RBFOX1: variants seen among roughly 807,000 people sequenced by gnomAD.
The protein encoded by RBFOX1 is RNA binding protein fox-1 homolog 1.
In RBFOX1, 8 loss-of-function variants were observed where a neutral mutation model predicts 57.7. The ratio of observed to expected loss-of-function variants is 0.14; its 90% CI spans 0.08 to 0.25. The LOEUF (loss-of-function observed/expected upper bound fraction) is 0.25. Ranked by LOEUF, RBFOX1 falls within the 10% of genes least tolerant of loss-of-function variation. The pLI, the probability that RBFOX1 is intolerant of heterozygous loss-of-function variation, is 1.00. For missense variants in RBFOX1, 611 were observed against 548.5 expected (o/e 1.11, Z -1.14); for synonymous variants, 326 against 222.4 (o/e 1.47, Z -4.15).
chr16:7,653,741 G>T, intron 11 of RBFOX1, 74 bp from the exon 12 acceptor site: 1 of 1,591,430 alleles, frequency 6.3e-7, no homozygotes, highest in South Asian at 1.1e-5. Context: ...AGGGTTCCCG[G>T]GGCAGTTCCC....
At chr16:6,562,532 G>A (rs981421456) in intron 2 of RBFOX1, among the ~76,000 whole-genome samples, 3 of 152,216 alleles carry the variant, frequency 2.0e-5, no homozygotes, top group Non-Finnish European at 4.4e-5. Context: ...CAAGTATTTA[G>A]TTTGGAAGTA....
At chr16:5,669,240 T>C (rs961821472) in intron 3 of RBFOX1, among the ~76,000 whole-genome samples, 2 of 152,080 alleles carry the variant, frequency 1.3e-5, no homozygotes, top group Non-Finnish European at 2.9e-5. Context: ...GTTTTTGTTT[T>C]ATTTGCTTGG....
intron 4 of RBFOX1, among the ~76,000 whole-genome samples, chr16:7,056,891 G>A (rs536273900): frequency 5.5e-4 from 84 of 152,260 alleles, no homozygotes; most frequent in Non-Finnish European, 1.0e-3. Context: ...GGCTGGTGAA[G>A]CACTGGTATG....
chr16:6,126,737 C>T (rs532087819), intron 1 of RBFOX1, among the ~76,000 whole-genome samples: 1 of 152,220 alleles, frequency 6.6e-6, no homozygotes, highest in Admixed American at 6.5e-5. Flanking sequence ...AACCCAAAGG[C>T]ATAACATTCA....
chr16:7,354,996 A>C (rs2097190053), intron 4 of RBFOX1, among the ~76,000 whole-genome samples: 1 of 152,240 alleles, frequency 6.6e-6, no homozygotes, highest in Non-Finnish European at 1.5e-5. Flanking sequence ...TATAATAATA[A>C]AAATTAATAG....
chr16:7,649,617 T>C (rs915797405), intron 11 of RBFOX1, among the ~76,000 whole-genome samples: 4 of 152,136 alleles, frequency 2.6e-5, no homozygotes, highest in African/African-American at 7.2e-5. Flanking sequence ...TTATAGAAGG[T>C]GGACAGTGAA....
At chr16:5,362,976 A>G (rs1476254776) in intron 1 of RBFOX1, among the ~76,000 whole-genome samples, 1 of 150,834 alleles carries the variant, frequency 6.6e-6, no homozygotes, top group Non-Finnish European at 1.5e-5. Flanking sequence ...TATTGTGTAT[A>G]ATGCCGTAGT....
chr16:5,656,560 T>A (rs935355761), intron 3 of RBFOX1, among the ~76,000 whole-genome samples: 1 of 152,210 alleles, frequency 6.6e-6, no homozygotes, highest in African/African-American at 2.4e-5. Context: ...CATAAACCTG[T>A]CCATCACCTC....
chr16:5,449,363 G>C (rs1407857464), intron 1 of RBFOX1, among the ~76,000 whole-genome samples: 1 of 152,162 alleles, frequency 6.6e-6, no homozygotes, highest in East Asian at 1.9e-4. Flanking sequence ...TTGTTATTGT[G>C]CATTCTCAGA....
At position 6,130,552 on chromosome 16, in the gene RBFOX1, G is replaced by A. The variant is rs1455558477; in HGVS notation, c.-127+110560G>A. On this transcript the variant is annotated intron_variant, in intron 1 of 15. Transcript: ENST00000550418. ...GAAATAATTTCACCAAGTGCAAGTGGACTAAACACTCCACTTAAAGAGCAG... is the reference window on the plus strand; with the variant it reads ...GAAATAATTTCACCAAGTGCAAGTGAACTAAACACTCCACTTAAAGAGCAG... 4.6e-5 allele frequency among the ~76,000 whole-genome samples: 7 copies of A among 152,184 alleles called. No homozygotes were observed. In the East Asian group the frequency reaches 7.7e-4, roughly 17 times the overall value.
At chr16:6,133,411 T>A (rs910043139) in intron 1 of RBFOX1, among the ~76,000 whole-genome samples, 6 of 152,202 alleles carry the variant, frequency 3.9e-5, no homozygotes, top group Admixed American at 2.6e-4. Context: ...TCTGAATGAA[T>A]AAATAAATGA....
intron 2 of RBFOX1, among the ~76,000 whole-genome samples, chr16:6,367,492 G>A (rs559887013): frequency 1.8e-4 from 28 of 152,156 alleles, no homozygotes; most frequent in Non-Finnish European, 3.2e-4. Flanking sequence ...GGCTGGCCCC[G>A]AACTCCTGAC....
intron 3 of RBFOX1, among the ~76,000 whole-genome samples, chr16:5,785,935 C>T (rs965771733): frequency 3.3e-5 from 5 of 152,094 alleles, no homozygotes; most frequent in African/African-American, 1.2e-4. Context: ...TTACTGAAAC[C>T]ACCCCCCATT....
intron 2 of RBFOX1, among the ~76,000 whole-genome samples, chr16:6,421,862 C>G (rs1353588030): frequency 6.6e-6 from 1 of 151,986 alleles, no homozygotes; most frequent in Non-Finnish European, 1.5e-5. Context: ...GTCACAAATC[C>G]CATCAAATAG....
intron 4 of RBFOX1, among the ~76,000 whole-genome samples, chr16:7,225,961 C>G (rs1211124455): frequency 1.3e-5 from 2 of 149,796 alleles, no homozygotes; most frequent in East Asian, 3.9e-4. Context: ...TCAGGAATAG[C>G]TGAATCAAGG....
chr16:6,844,606 G>C (rs750572666), intron 3 of RBFOX1, among the ~76,000 whole-genome samples: 9 of 151,952 alleles, frequency 5.9e-5, no homozygotes, highest in African/African-American at 2.2e-4. Flanking sequence ...TTTAGGTTGA[G>C]TCCTTGTCTT....
At chr16:7,691,671 T>A (rs2077369538) in intron 14 of RBFOX1, among the ~76,000 whole-genome samples, 1 of 152,166 alleles carries the variant, frequency 6.6e-6, no homozygotes, top group African/African-American at 2.4e-5. Flanking sequence ...TCAGTCACAA[T>A]TTTACATCTG....
At chr16:7,120,923 A>G (rs973373098) in intron 4 of RBFOX1, among the ~76,000 whole-genome samples, 6 of 151,620 alleles carry the variant, frequency 4.0e-5, no homozygotes, top group African/African-American at 1.5e-4. Flanking sequence ...ATGACCACAT[A>G]GTATTAGTCC....
In RBFOX1 at chr16:7,063,101, G is replaced by A. The variant is rs138359929; in HGVS notation, c.27+11003G>A. On this transcript the variant is annotated intron_variant, in intron 4 of 15. Coordinates refer to ENST00000550418, the MANE Select transcript of RBFOX1 (RefSeq NM_018723.4). ...TGCCTCCCTGATGCCTCTGTGAATC[G>A]GCGCTGACTTTATGTATTGACAGCT... Among the ~76,000 whole-genome samples, 1,262 of 151,846 alleles carry A rather than the reference G, an allele frequency of 8.3e-3. 15 individuals carry two copies. The highest frequency in any genetic ancestry group is 0.028 in the African/African-American group (1,177 of 41,398).
Sources: allele counts gnomAD v4.1 joint callset (sites outside exome capture counted in the v4.1 genomes callset), GRCh38; gene constraint gnomAD v4.1.1; transcripts MANE v1.5; gene names NCBI Gene and HGNC (gene_info 2026-07-23, HGNC 2026-07-21).